The following SLC26A7 variants were observed in gnomAD, a reference collection of about 807,000 sequenced individuals.
The protein encoded by SLC26A7 is solute carrier family 26 member 7.
SLC26A7 carries 59 observed loss-of-function variants against 82.5 expected under a neutral mutation model. The observed-to-expected ratio is 0.72, with a 90% confidence interval of 0.58 to 0.89. The LOEUF is 0.89. Ranked by LOEUF, SLC26A7 falls within the 40% of genes least tolerant of loss-of-function variation. The pLI is 0.00. For missense variants in SLC26A7, 820 were observed against 793.0 expected, an observed-to-expected ratio of 1.03 and a Z score of -0.41; for synonymous variants, 271 against 274.3, an observed-to-expected ratio of 0.99 and a Z score of 0.12.
At chr8:91,235,620 G>T (rs1367193389) in intron 2 of SLC26A7, among the ~76,000 whole-genome samples, 14 of 152,050 alleles carry the variant, frequency 9.2e-5, no homozygotes, top group Non-Finnish European at 8.8e-5. Flanking sequence ...ATTATTGTCT[G>T]GGGATTTCAA....
chr8:91,338,142 C>A lies in SLC26A7; in HGVS notation c.796-8C>A, dbSNP rs762891774. 3 of 1,597,334 alleles carry A rather than the reference C, an allele frequency of 1.9e-6. No homozygotes were observed. The highest frequency in any genetic ancestry group is 1.4e-5 in the African/African-American group (1 of 73,958). On this transcript the variant is annotated splice_region_variant and splice_polypyrimidine_tract_variant and intron_variant, in intron 6 of 18. Coordinates refer to ENST00000276609, the MANE Select transcript of SLC26A7 (RefSeq NM_052832.4). ...ATATTTTTTCTTTTTTCAAATGGAACCACACAGATTATTGCTGCATCATTT... is the reference window on the plus strand; with the variant it reads ...ATATTTTTTCTTTTTTCAAATGGAAACACACAGATTATTGCTGCATCATTT...
At chr8:91,263,402 T>C (rs1489420716) in intron 2 of SLC26A7, among the ~76,000 whole-genome samples, 1 of 152,086 alleles carries the variant, frequency 6.6e-6, no homozygotes, top group Non-Finnish European at 1.5e-5. Flanking sequence ...CATTGTATCA[T>C]TTAATTTAGA....
At chr8:91,308,291 T>C (rs868623390) in intron 4 of SLC26A7, among the ~76,000 whole-genome samples, 4 of 150,992 alleles carry the variant, frequency 2.6e-5, no homozygotes, top group African/African-American at 4.9e-5. Flanking sequence ...CTACATATAA[T>C]TGTGATAAAA....
In SLC26A7 at chr8:91,295,703, G is replaced by T; in HGVS notation, c.477G>T (p.Gln159His). 1 of 1,613,594 alleles carries T rather than the reference G, an allele frequency of 6.2e-7. No homozygotes were observed. Among genetic ancestry groups the T allele is most frequent in the Non-Finnish European group, 8.5e-7 (1 of 1,179,810 alleles). ...AAVSFLGGVI[Q>H]VAMFVLQLGS... ...TTTCCTTCTTGGGAGGTGTGATTCAGGTAAGTGATACTGACACTTGAGCAC... is the reference window on the plus strand; with the variant it reads ...TTTCCTTCTTGGGAGGTGTGATTCATGTAAGTGATACTGACACTTGAGCAC... The change falls in exon 4 of 19, where the codon CAG becomes CAT. Residue 159 changes from glutamine to histidine, a missense_variant and splice_region_variant. Transcript: ENST00000276609.
intron 5 of SLC26A7, among the ~76,000 whole-genome samples, chr8:91,330,713 C>G (rs142455779): frequency 0.014 from 2,138 of 151,824 alleles, 27 homozygotes; most frequent in Middle Eastern, 0.037. Context: ...AATTCAAAAC[C>G]CTAAAGTTAT....
chr8:91,357,646 C>A (rs887853331), intron 11 of SLC26A7, among the ~76,000 whole-genome samples: 2 of 152,118 alleles, frequency 1.3e-5, no homozygotes. Flanking sequence ...GACCTAAAAC[C>A]ATGAAAACCC....
At chr8:91,361,574 C>A (rs1814050977) in intron 11 of SLC26A7, among the ~76,000 whole-genome samples, 1 of 152,040 alleles carries the variant, frequency 6.6e-6, no homozygotes, top group Non-Finnish European at 1.5e-5. Flanking sequence ...AAAATATAAC[C>A]TGGATTTCAC....
At chr8:91,395,027 AT>A in intron 18 of SLC26A7, 34 bp from the exon 19 acceptor site, 4 of 1,598,132 alleles carry the variant, frequency 2.5e-6, no homozygotes, top group Non-Finnish European at 3.4e-6. Context: ...AGTTGAGTAA[AT>A]AGCACATACT....
At chr8:91,342,040 G>A (rs532776943) in intron 8 of SLC26A7, among the ~76,000 whole-genome samples, 1 of 151,904 alleles carries the variant, frequency 6.6e-6, no homozygotes, top group Admixed American at 6.6e-5. Context: ...TCATCCTCCC[G>A]CCTTAGCCTC....
At chr8:91,247,398 G>A (rs1810559558), upstream of SLC26A7, among the ~76,000 whole-genome samples, 1 of 152,092 alleles carries the variant, frequency 6.6e-6, no homozygotes, top group Admixed American at 6.6e-5. Flanking sequence ...AATCTTATGT[G>A]TGTGAATAAA....
chr8:91,370,431 G>C (rs1814325333), intron 15 of SLC26A7, among the ~76,000 whole-genome samples: 1 of 151,484 alleles, frequency 6.6e-6, no homozygotes, highest in East Asian at 1.9e-4. Flanking sequence ...CATGGCATTA[G>C]TGTAGTTTTA....
chr8:91,315,722 T>G (rs1812610985), intron 4 of SLC26A7, among the ~76,000 whole-genome samples: 1 of 152,176 alleles, frequency 6.6e-6, no homozygotes, highest in Non-Finnish European at 1.5e-5. Context: ...ATTACATTCT[T>G]TTAAGTTTTA....
rs529892385 is a variant in SLC26A7, at chr8:91,371,051, A to G, written c.1675+1218A>G. On this transcript the variant is annotated intron_variant, in intron 15 of 18. Coordinates refer to ENST00000276609, the MANE Select transcript of SLC26A7 (RefSeq NM_052832.4). ...AAATGTTACTAATGGAATGACATCT[A>G]TTACTTTAAACATATGCTTCAAAAT... Among the ~76,000 whole-genome samples the G allele has an allele frequency of 1.1e-4, 16 of 152,028 alleles. No homozygotes were observed. The East Asian group carries it at 2.7e-3, about 26-fold the overall frequency.
intron 2 of SLC26A7, among the ~76,000 whole-genome samples, chr8:91,257,586 G>A (rs1194170653): frequency 6.6e-6 from 1 of 151,570 alleles, no homozygotes; most frequent in Non-Finnish European, 1.5e-5. Context: ...AGACAGCATA[G>A]TTTCTTCTCA....
rs16893662 is a variant in SLC26A7 at position 91,391,363 on chromosome 8, G to T, written c.1776+1925G>T. Among the ~76,000 whole-genome samples the T allele has an allele frequency of 4.5e-3, 689 of 152,270 alleles. 8 individuals carry two copies. The highest frequency in any genetic ancestry group is 0.016 in the African/African-American group (659 of 41,538). On this transcript the variant is annotated intron_variant, in intron 16 of 18. Coordinates refer to ENST00000276609, the MANE Select transcript of SLC26A7 (RefSeq NM_052832.4). ...CAGCGATTTTGTTTCAGAATTGGCA[G>T]ATATTTCGAAAATAAAGAAATAGCT...
In SLC26A7 at chr8:91,389,502, C is replaced by T. The variant is rs1046190508; in HGVS notation, c.1776+64C>T. 1.7e-4 allele frequency: 186 copies of T among 1,102,982 alleles called. 1 individual carries two copies. In the East Asian group the frequency reaches 4.3e-3, roughly 25 times the overall value. 68.3% of individuals were successfully genotyped at this position (1,102,982 alleles called of 1,614,324 possible). The stretch of plus-strand genomic sequence containing the variant: ...TTTGTTCAGTAACAGGGGTTTTCAC[C>T]ACCTTCTCTCCATAGTCTTGAGCCT... On this transcript the variant is annotated intron_variant, in intron 16 of 18. Transcript: ENST00000276609.
chr8:91,295,900 A>G lies in SLC26A7; in HGVS notation c.477+197A>G, dbSNP rs77379168. On this transcript the variant is annotated intron_variant, in intron 4 of 18. Transcript: ENST00000276609. ...GTTGAATGAATGAACTAGAATCAAT[A>G]AATTGAAGTTACACAGAAACAGTTT... 7.0e-3 allele frequency among the ~76,000 whole-genome samples: 1,073 copies of G among 152,340 alleles called. 11 individuals carry two copies. The highest frequency in any genetic ancestry group is 0.025 in the African/African-American group (1,025 of 41,580).
Position 91,334,446 on chromosome 8 carries a change from T to C in SLC26A7, c.794T>C (p.Leu265Ser). The C allele has an allele frequency of 1.9e-6, 3 of 1,610,146 alleles. No homozygotes were observed. Among genetic ancestry groups the C allele is most frequent in the East Asian group, 2.2e-5 (1 of 44,738 alleles). The change falls in exon 6 of 19, where the codon TTG (leucine) becomes TCG (serine). Residue 265 changes from leucine to serine, a missense_variant and splice_region_variant. Coordinates refer to ENST00000276609, the MANE Select transcript of SLC26A7 (RefSeq NM_052832.4). ...GTTGTTCTTCCTGTAGATTTAGTTT[T>C]GGTAAGTATAAAATCAACATTTAGC... The part of the protein sequence containing the change: ...IKVVLPVDLV[L>S]IIAASFACYC...
intron 16 of SLC26A7, among the ~76,000 whole-genome samples, chr8:91,393,178 T>G (rs1488643733): frequency 6.6e-6 from 1 of 152,156 alleles, no homozygotes; most frequent in Non-Finnish European, 1.5e-5. Flanking sequence ...TAGACTGACT[T>G]TGATTTGGGT....
Sources: allele counts gnomAD v4.1 joint callset (sites outside exome capture counted in the v4.1 genomes callset), GRCh38; gene constraint gnomAD v4.1.1; transcripts MANE v1.5; gene names NCBI Gene and HGNC (gene_info 2026-07-23, HGNC 2026-07-21).